The following MCCC1 variants were observed in gnomAD, a reference collection of about 807,000 sequenced individuals.
MCCC1 encodes methylcrotonyl-CoA carboxylase subunit 1.
MCCC1 carries 64 observed loss-of-function variants against 83.8 expected under a neutral mutation model. The observed-to-expected ratio is 0.76, with a 90% CI of 0.62 to 0.94. The LOEUF (loss-of-function observed/expected upper bound fraction) is 0.94, where lower values mean the gene tolerates loss of function less well. MCCC1 is among the 40% of genes least tolerant of loss of function. The pLI is 0.00. For missense variants in MCCC1, 807 were observed against 904.7 expected, an observed-to-expected ratio of 0.89 and a Z score of 1.39; for synonymous variants, 322 against 315.4, an observed-to-expected ratio of 1.02 and a Z score of -0.22.
At chr3:183,044,530 A>G (rs983163172) in intron 10 of MCCC1, among the ~76,000 whole-genome samples, 9 of 152,182 alleles carry the variant, frequency 5.9e-5, no homozygotes, top group Middle Eastern at 3.2e-3. Context: ...TACTTGGATC[A>G]TTCTAGACCA....
chr3:183,084,659 C>G (rs1022511883), intron 4 of MCCC1, among the ~76,000 whole-genome samples: 8 of 152,194 alleles, frequency 5.3e-5, no homozygotes, highest in African/African-American at 1.9e-4. Flanking sequence ...CAGTGGATTA[C>G]ACTTTTAATC....
upstream of MCCC1, chr3:183,099,692 GT>G: frequency 1.7e-6 from 1 of 588,294 alleles, no homozygotes; most frequent in Non-Finnish European, 3.0e-6. Context: ...TTGTTTCTGC[GT>G]CCCCTGGGGC....
chr3:183,064,209 G>A lies in MCCC1; in HGVS notation c.762-6787C>T, dbSNP rs1254201323. On this transcript the variant is annotated intron_variant, in intron 7 of 18. Transcript: ENST00000265594. This position sits in a 1 kb window ranked among gnomAD's most constrained non-coding sequence, Gnocchi z 4.5. ...AGGCATGTACAGGATGGTGGGACAT[G>A]GGGAGCTTTTACCTCCCTAAAAGGA... 6.6e-6 allele frequency among the ~76,000 whole-genome samples: 1 copy of A among 151,760 alleles called. No individual in the cohort carries two copies. Among genetic ancestry groups the A allele is most frequent in the Non-Finnish European group, 1.5e-5 (1 of 67,794 alleles).
chr3:183,097,850 TAAGAA>T (rs1404041807), intron 1 of MCCC1, among the ~76,000 whole-genome samples: 2 of 152,258 alleles, frequency 1.3e-5, no homozygotes, highest in Admixed American at 6.5e-5. Context: ...CCTGGAGGCC[TAAGAA>T]AAGAAAAACC....
At chr3:183,113,427 A>AG (rs1441455142) in intron 1 of MCCC1, among the ~76,000 whole-genome samples, 1 of 67,282 alleles carries the variant, frequency 1.5e-5, no homozygotes, top group African/African-American at 5.9e-5. Context: ...GGGTGGGGGG[A>AG]GGGGGGACGG....
chr3:183,050,991 T>C (rs1283692078), intron 9 of MCCC1, among the ~76,000 whole-genome samples: 1 of 152,130 alleles, frequency 6.6e-6, no homozygotes, highest in Non-Finnish European at 1.5e-5. Flanking sequence ...AGATACCAAA[T>C]GGCCTGAATC....
intron 8 of MCCC1, 96 bp downstream of exon 8, chr3:183,057,215 G>T: frequency 1.0e-6 from 1 of 992,908 alleles, no homozygotes; most frequent in South Asian, 1.4e-5. Flanking sequence ...GGAGTTTGAG[G>T]GGTGAGAGAC....
intron 1 of MCCC1, among the ~76,000 whole-genome samples, chr3:183,113,991 C>T (rs917112015): frequency 6.6e-6 from 1 of 152,074 alleles, no homozygotes; most frequent in Admixed American, 6.6e-5. Flanking sequence ...CTTGTTTCTC[C>T]CTTAGCTAAG....
At chr3:183,027,007 A>G (rs533049556) in intron 14 of MCCC1, among the ~76,000 whole-genome samples, 12 of 152,306 alleles carry the variant, frequency 7.9e-5, no homozygotes, top group African/African-American at 2.6e-4. Flanking sequence ...GTCAAGCATA[A>G]TTTTCCAACA....
rs768785753 is a variant in MCCC1, at chr3:183,039,072, C to T, written c.1331G>A (p.Arg444His). Residue 444 changes from arginine (R) to histidine (H), a missense_variant, in exon 12 of 19, where the codon CGC becomes CAC. Coordinates refer to ENST00000265594, the MANE Select transcript of MCCC1 (RefSeq NM_020166.5). ...IAKLVVWAAD[R>H]QAALTKLRYS... The stretch of plus-strand genomic sequence containing the variant: ...CCTCAGTTTTGTCAATGCCGCCTGG[C>T]GATCTGCTGCCCACACGACCAGCTT... 2.0e-5 allele frequency: 33 copies of T among 1,614,050 alleles called. No individual in the cohort carries two copies. Among genetic ancestry groups the T allele is most frequent in the East Asian group, 1.3e-4 (6 of 44,898 alleles).
Position 183,075,356 on chromosome 3 carries a change from C to T in MCCC1, c.370-2869G>A, listed in dbSNP as rs1434897151. Among the ~76,000 whole-genome samples the T allele has an allele frequency of 2.0e-5, 3 of 152,290 alleles. No homozygotes were observed. The East Asian group carries it at 5.8e-4, about 29-fold the overall frequency. ...ACAGTGTATAAGCGTTCCCTTTTCTCCACAACCTCCTGACATCTGTTATTT... is the reference window on the plus strand; with the variant it reads ...ACAGTGTATAAGCGTTCCCTTTTCTTCACAACCTCCTGACATCTGTTATTT... On this transcript the variant is annotated intron_variant, in intron 4 of 18. Coordinates refer to ENST00000265594, the MANE Select transcript of MCCC1 (RefSeq NM_020166.5).
At chr3:183,053,547 C>T (rs138170691) in intron 8 of MCCC1, among the ~76,000 whole-genome samples, 8,482 of 151,680 alleles carry the variant, frequency 0.056, 703 homozygotes, top group African/African-American at 0.17. Context: ...TGGCTCATGC[C>T]TGTAATCCCA....
chr3:183,025,892 T>A (rs1023973914), intron 14 of MCCC1, 88 bp from the exon 15 acceptor site: 9 of 1,146,638 alleles, frequency 7.8e-6, no homozygotes, highest in Middle Eastern at 1.9e-4. Flanking sequence ...ACTCTCAACC[T>A]AAAGACAACC....
intron 13 of MCCC1, among the ~76,000 whole-genome samples, chr3:183,035,028 C>G (rs557514951): frequency 1.3e-5 from 2 of 152,246 alleles, no homozygotes; most frequent in East Asian, 3.9e-4. Context: ...TCCACCCGCC[C>G]TGGGCCTCTC....
intron 16 of MCCC1, among the ~76,000 whole-genome samples, chr3:183,020,870 T>C (rs926985446): frequency 2.0e-5 from 3 of 151,994 alleles, no homozygotes; most frequent in African/African-American, 7.2e-5. Flanking sequence ...CCATCCTGGC[T>C]AACATGGTGA....
rs1028464947 is a variant in MCCC1, at chr3:183,079,273, C to T, written c.370-6786G>A. On this transcript the variant is annotated intron_variant, in intron 4 of 18. Transcript: ENST00000265594. ...CGTCTGAGACAAGGCAAGTCCCTTC[C>T]GCCTATAAGCCTGTAAAATCAAAAG... Among the ~76,000 whole-genome samples, 7 of 152,172 alleles carry T rather than the reference C, an allele frequency of 4.6e-5. No homozygotes were observed. The South Asian group carries it at 8.3e-4, about 18-fold the overall frequency.
intron 9 of MCCC1, 124 bp from the exon 10 acceptor site, chr3:183,045,664 A>G: frequency 9.7e-7 from 1 of 1,028,648 alleles, no homozygotes; most frequent in Admixed American, 2.0e-5. Flanking sequence ...TTTGCATTTC[A>G]TGAAGAAAAC....
intron 14 of MCCC1, among the ~76,000 whole-genome samples, chr3:183,030,926 T>C (rs1713015575): frequency 6.6e-6 from 1 of 152,230 alleles, no homozygotes; most frequent in Non-Finnish European, 1.5e-5. Flanking sequence ...TCTTTGAATT[T>C]ATAAAATACG....
chr3:183,093,204 A>G (rs1350219291), intron 2 of MCCC1, among the ~76,000 whole-genome samples: 3 of 152,136 alleles, frequency 2.0e-5, no homozygotes, highest in African/African-American at 4.8e-5. Context: ...AATACTAACT[A>G]ATCTTTAATA....
Sources: gnomAD v4.1 joint callset for allele counts (sites outside exome capture counted in the v4.1 genomes callset) on GRCh38, gnomAD v4.1.1 for gene constraint, Gnocchi (gnomAD v3.1) non-coding constraint, MANE v1.5 for transcripts, NCBI Gene and HGNC (gene_info 2026-07-23, HGNC 2026-07-21) for gene names.